Variants in ARFGEF3 observed in about 807,000 individuals in gnomAD.
ARFGEF3 encodes the protein ARFGEF family member 3, also known as brefeldin A-inhibited guanine nucleotide-exchange protein 3.
In ARFGEF3, 96 loss-of-function variants were observed where a neutral mutation model predicts 221.7. The ratio of observed to expected loss-of-function variants is 0.43; its 90% CI spans 0.37 to 0.51. ARFGEF3 has a LOEUF of 0.51. Among genes scored for constraint, ARFGEF3 ranks in the 20% least tolerant of loss-of-function variants. The pLI, the probability that ARFGEF3 is intolerant of heterozygous loss-of-function variation, is 0.00. For synonymous variants in ARFGEF3, 1,145 were observed against 1,126.8 expected (o/e 1.02, Z -0.32); for missense variants, 2,410 against 2,789.9 (o/e 0.86, Z 3.07).
intron 19 of ARFGEF3, 79 bp from the exon 20 acceptor site, chr6:138,293,914 A>G: frequency 2.1e-6 from 3 of 1,447,026 alleles, no homozygotes; most frequent in Non-Finnish European, 2.8e-6. Context: ...TCACATCAAC[A>G]AAATTACCAT....
In ARFGEF3 at chr6:138,207,145, A is replaced by G. The variant is rs552191666; in HGVS notation, c.219+22A>G. Reference sequence around the variant, plus strand: ...GCAGGTATGGCTTTGACTGAATGCAATGGGATGATAGAAATTGACAGGCCA... The same window carrying G: ...GCAGGTATGGCTTTGACTGAATGCAGTGGGATGATAGAAATTGACAGGCCA... On this transcript the variant is annotated intron_variant, in intron 3 of 33. Transcript: ENST00000251691. The G allele has an allele frequency of 5.8e-5, 92 of 1,588,020 alleles. 1 individual carries two copies. In the South Asian group the frequency reaches 6.1e-4, roughly 11 times the overall value.
intron 24 of ARFGEF3, among the ~76,000 whole-genome samples, chr6:138,309,300 T>C (rs552946867): frequency 6.6e-6 from 1 of 152,296 alleles, no homozygotes; most frequent in South Asian, 2.1e-4. Context: ...TATATAAAAA[T>C]CTCCTATTGC....
At position 138,252,905 on chromosome 6, in the gene ARFGEF3, A is replaced by G. The variant is rs866689964; in HGVS notation, c.666-975A>G. 3.3e-5 allele frequency among the ~76,000 whole-genome samples: 5 copies of G among 152,172 alleles called. No individual in the cohort carries two copies. The South Asian group carries it at 1.0e-3, about 32-fold the overall frequency. ...TTTAATACTTTCTGGTAGGCTGGGCAGAGAAGTTAATCTGGATATTAGGAA... is the reference window on the plus strand; with the variant it reads ...TTTAATACTTTCTGGTAGGCTGGGCGGAGAAGTTAATCTGGATATTAGGAA... On this transcript the variant is annotated intron_variant, in intron 8 of 33. Transcript: ENST00000251691.
intron 11 of ARFGEF3, among the ~76,000 whole-genome samples, chr6:138,262,244 C>T (rs1199280570): frequency 6.9e-6 from 1 of 145,064 alleles, no homozygotes; most frequent in Non-Finnish European, 1.5e-5. Flanking sequence ...GGCTGGAGTG[C>T]AGTGGCACGA....
chr6:138,188,621 G>A (rs965553265), intron 2 of ARFGEF3, among the ~76,000 whole-genome samples: 8 of 152,210 alleles, frequency 5.3e-5, no homozygotes, highest in East Asian at 1.9e-4. Flanking sequence ...AGCTGCCTTC[G>A]GGGTGACTAG....
At chr6:138,191,121 C>T (rs1391555590) in intron 2 of ARFGEF3, among the ~76,000 whole-genome samples, 2 of 152,040 alleles carry the variant, frequency 1.3e-5, no homozygotes, top group African/African-American at 4.8e-5. Context: ...TGAGAAAGTT[C>T]CTAGCTCACA....
At chr6:138,196,529 G>A (rs1173590033) in intron 2 of ARFGEF3, among the ~76,000 whole-genome samples, 1 of 152,224 alleles carries the variant, frequency 6.6e-6, no homozygotes, top group Admixed American at 6.5e-5. Context: ...TTGCAGGACT[G>A]GACGTTGCTC....
intron 2 of ARFGEF3, among the ~76,000 whole-genome samples, chr6:138,190,159 G>A (rs550484580): frequency 7.1e-6 from 1 of 141,422 alleles, no homozygotes; most frequent in East Asian, 2.2e-4. Context: ...CACTTGCTTG[G>A]TAGAGGATTT....
chr6:138,189,382 TG>T (rs573607086), intron 2 of ARFGEF3, among the ~76,000 whole-genome samples: 1 of 152,208 alleles, frequency 6.6e-6, no homozygotes, highest in Non-Finnish European at 1.5e-5. Flanking sequence ...GAGAGGAGAC[TG>T]AGGCTTTGTG....
At chr6:138,220,024 C>CT (rs1286434711) in intron 4 of ARFGEF3, among the ~76,000 whole-genome samples, 5 of 151,606 alleles carry the variant, frequency 3.3e-5, no homozygotes, top group Non-Finnish European at 7.4e-5. Flanking sequence ...CTTTTCCTTT[C>CT]TTTTTTTCTG....
rs1253946217 is a variant in ARFGEF3 at position 138,337,218 on chromosome 6, CCA to C, written c.*733_*734del. The C allele has an allele frequency of 6.6e-6, 1 of 152,602 alleles. No homozygotes were observed. Among genetic ancestry groups the C allele is most frequent in the Non-Finnish European group, 1.5e-5 (1 of 68,032 alleles). 9.5% of individuals were successfully genotyped at this position (152,602 alleles called of 1,614,324 possible). Reference sequence around the variant, plus strand: ...CTTATCAGCCTGTGACACAGAGTACCCAGTGAAAGTGGCTGGTACGTAGATTG... The same window carrying C: ...CTTATCAGCCTGTGACACAGAGTACCGTGAAAGTGGCTGGTACGTAGATTG... On this transcript the variant is annotated 3_prime_UTR_variant, in exon 34 of 34. Transcript: ENST00000251691.
At chr6:138,202,164 A>C (rs1015592224) in intron 2 of ARFGEF3, among the ~76,000 whole-genome samples, 1 of 152,212 alleles carries the variant, frequency 6.6e-6, no homozygotes, top group Non-Finnish European at 1.5e-5. Flanking sequence ...GCCTGTGCAT[A>C]AAAAATAATC....
At chr6:138,232,685 G>T (rs767803265) in intron 5 of ARFGEF3, among the ~76,000 whole-genome samples, 21 of 151,858 alleles carry the variant, frequency 1.4e-4, no homozygotes, top group Non-Finnish European at 2.8e-4. Context: ...CTTTTTTATT[G>T]TTATTCCTTC....
At chr6:138,225,013 G>A (rs1279294656) in intron 4 of ARFGEF3, among the ~76,000 whole-genome samples, 2 of 152,046 alleles carry the variant, frequency 1.3e-5, no homozygotes, top group Admixed American at 6.6e-5. Context: ...TTGGTGGGAG[G>A]GCAGTGGTAG....
intron 4 of ARFGEF3, chr6:138,216,448 A>G (rs1231978625): frequency 6.6e-6 from 1 of 152,178 alleles, no homozygotes; most frequent in African/African-American, 2.4e-5. Context: ...ATGTATCAGT[A>G]CTGTCGTCAG....
chr6:138,174,560 T>A (rs1426369344), intron 2 of ARFGEF3, among the ~76,000 whole-genome samples: 1 of 151,714 alleles, frequency 6.6e-6, no homozygotes, highest in Non-Finnish European at 1.5e-5. Flanking sequence ...GGATATGTTA[T>A]TTTTTCTTCC....
intron 2 of ARFGEF3, among the ~76,000 whole-genome samples, chr6:138,204,216 G>A (rs1359781491): frequency 6.6e-6 from 1 of 151,386 alleles, no homozygotes. Flanking sequence ...GTGGGCACCT[G>A]TAACCCAGCT....
chr6:138,289,326 G>A (rs1272755389), intron 17 of ARFGEF3, among the ~76,000 whole-genome samples: 2 of 152,206 alleles, frequency 1.3e-5, no homozygotes, highest in East Asian at 3.8e-4. Flanking sequence ...GTCATTTTCA[G>A]TGATAGAGCA....
intron 33 of ARFGEF3, 108 bp downstream of exon 33, chr6:138,335,296 T>TAG: frequency 8.6e-7 from 1 of 1,166,958 alleles, no homozygotes; most frequent in Admixed American, 3.0e-5. Flanking sequence ...TAGAAACAGG[T>TAG]AGGGGGTATG....
Sources: allele counts gnomAD v4.1 joint callset (sites outside exome capture counted in the v4.1 genomes callset), GRCh38; gene constraint gnomAD v4.1.1; transcripts MANE v1.5; gene names NCBI Gene and HGNC (gene_info 2026-07-23, HGNC 2026-07-21).